PLEKHG3: variants seen among roughly 807,000 people sequenced by gnomAD.
The protein encoded by PLEKHG3 is pleckstrin homology and RhoGEF domain containing G3, also known as pleckstrin homology domain-containing family G member 3.
Under a neutral mutation model 94.9 loss-of-function variants are expected in PLEKHG3, and 62 were observed. The observed-to-expected ratio is 0.65, with a 90% CI of 0.53 to 0.81. PLEKHG3 has a LOEUF of 0.81. Among genes scored for constraint, PLEKHG3 ranks in the 30% least tolerant of loss-of-function variants. The pLI is 0.00. For synonymous variants in PLEKHG3, 614 were observed against 654.0 expected (o/e 0.94, Z 0.93); for missense variants, 1,461 against 1,619.3 (o/e 0.90, Z 1.68).
Position 64,741,527 on chromosome 14 carries a change from C to T in PLEKHG3, c.2010C>T (p.Asp670=). ...SLSCQLSPEV[D]ISVGVATEDS... is the part of the protein sequence containing the mutation. Reference sequence around the variant, plus strand: ...GCTGTCAGCTCTCCCCAGAAGTGGACATCAGTGTGGGGGTGGCCACAGAGG... The same window carrying T: ...GCTGTCAGCTCTCCCCAGAAGTGGATATCAGTGTGGGGGTGGCCACAGAGG... The change falls in exon 16 of 17, where the codon GAC becomes GAT. Residue 670 remains aspartate (D), a synonymous_variant. Coordinates refer to ENST00000247226, the MANE Select transcript of PLEKHG3 (RefSeq NM_001308147.2). 2 of 1,612,904 alleles carry T rather than the reference C, an allele frequency of 1.2e-6. No homozygotes were observed. Among genetic ancestry groups the T allele is most frequent in the Non-Finnish European group, 1.7e-6 (2 of 1,180,016 alleles).
At position 64,732,201 on chromosome 14, in the gene PLEKHG3, G is replaced by A. The variant is rs1362411826; in HGVS notation, c.1212+20G>A. Reference sequence around the variant, plus strand: ...CAGAAGGTGAGTTCCCCCAGCTCCTGACTGTGTGCAAGGAGAATGTGCTCC... The same window carrying A: ...CAGAAGGTGAGTTCCCCCAGCTCCTAACTGTGTGCAAGGAGAATGTGCTCC... On this transcript the variant is annotated intron_variant, in intron 10 of 16. Transcript: ENST00000247226. The surrounding 1 kb of genome is among the most constrained non-coding windows in gnomAD (Gnocchi z 4.9). The A allele has an allele frequency of 1.3e-6, 2 of 1,594,438 alleles. No individual in the cohort carries two copies. The highest frequency in any genetic ancestry group is 2.2e-5 in the South Asian group (2 of 90,694).
chr14:64,734,733 C>T (rs569888668), intron 12 of PLEKHG3, among the ~76,000 whole-genome samples: 1 of 116,300 alleles, frequency 8.6e-6, no homozygotes, highest in East Asian at 2.9e-4. Flanking sequence ...TTCCTTCTTT[C>T]CTTCCTTCCT....
At position 64,732,837 on chromosome 14, in the gene PLEKHG3, G is replaced by A. The variant is rs776316648; in HGVS notation, c.1281G>A (p.Leu427=). 6.2e-7 allele frequency: 1 copy of A among 1,610,896 alleles called. No homozygotes were observed. Among genetic ancestry groups the A allele is most frequent in the Admixed American group, 1.7e-5 (1 of 59,574 alleles). The change falls in exon 12 of 17, where the codon CTG becomes CTA. Residue 427 remains leucine (L), a synonymous_variant. Coordinates refer to ENST00000247226, the MANE Select transcript of PLEKHG3 (RefSeq NM_001308147.2). The surrounding 1 kb of genome is among the most constrained non-coding windows in gnomAD (Gnocchi z 4.9). ...PNRYRCSPER[L]KKAWSSQDEV... ...GGTACCGCTGCAGCCCAGAGCGGCT[G>A]AAGAAGGCTTGGTCCTCCCAGGATG... is the stretch of plus-strand genomic sequence containing the variant.
Position 64,718,986 on chromosome 14 carries a change from A to G in PLEKHG3, c.-39-8607A>G, listed in dbSNP as rs1285095567. ...TAGTACATGCCGTCTCTCCGTGTGG[A>G]TCCCAGAGGAATGCGCCTCTGGGAT... On this transcript the variant is annotated intron_variant, in intron 1 of 16. Coordinates refer to ENST00000247226, the MANE Select transcript of PLEKHG3 (RefSeq NM_001308147.2). This position sits in a 1 kb window ranked among gnomAD's most constrained non-coding sequence, Gnocchi z 5.0. Among the ~76,000 whole-genome samples, 1 of 151,972 alleles carries G rather than the reference A, an allele frequency of 6.6e-6. No homozygotes were observed. The highest frequency in any genetic ancestry group is 1.5e-5 in the Non-Finnish European group (1 of 67,990).
At position 64,738,903 on chromosome 14, in the gene PLEKHG3, C is replaced by G; in HGVS notation, c.1518+48C>G. 6.4e-6 allele frequency: 8 copies of G among 1,251,362 alleles called. No homozygotes were observed. The highest frequency in any genetic ancestry group is 9.2e-6 in the Non-Finnish European group (8 of 873,134). The allele number at this position is 1,251,362 out of a possible 1,614,324, so 77.5% of individuals were successfully genotyped here. A position where few individuals can be genotyped will look rare whatever the true frequency, so the allele number is the denominator to read the frequency against. On this transcript the variant is annotated intron_variant, in intron 15 of 16. Transcript: ENST00000247226. This position sits in a 1 kb window ranked among gnomAD's most constrained non-coding sequence, Gnocchi z 4.8. ...GGGGATAGTAGGAAGAACTTGGAGT[C>G]CAGATTTTCAAGTCTGCAAATAGGG...
chr14:64,736,984 T>G (rs1364639910), intron 13 of PLEKHG3, 93 bp downstream of exon 13: 1 of 936,444 alleles, frequency 1.1e-6, no homozygotes, highest in Non-Finnish European at 1.8e-6. Flanking sequence ...GACCTGAGGG[T>G]GGAGGATTGT....
At position 64,747,451 on chromosome 14, in the gene PLEKHG3, T is replaced by C. The variant is rs2081864604; in HGVS notation, c.*3748T>C. On this transcript the variant is annotated 3_prime_UTR_variant, in exon 17 of 17. Transcript: ENST00000247226. The stretch of plus-strand genomic sequence containing the variant: ...ACTAGGTTCCCTGTATAGGGTCATA[T>C]GTACCAAAGCCAAATGAAGACCTTG... 1 of 152,666 alleles carries C rather than the reference T, an allele frequency of 6.6e-6. No individual in the cohort carries two copies. Among genetic ancestry groups the C allele is most frequent in the African/African-American group, 2.4e-5 (1 of 41,458 alleles). The allele number at this position is 152,666 out of a possible 1,614,324, so 9.5% of individuals were successfully genotyped here.
chr14:64,732,336 G>A lies in PLEKHG3; in HGVS notation c.1213-91G>A. The A allele has an allele frequency of 7.7e-7, 1 of 1,298,178 alleles. No individual in the cohort carries two copies. The highest frequency in any genetic ancestry group is 1.1e-6 in the Non-Finnish European group (1 of 893,016). The allele number at this position is 1,298,178 out of a possible 1,614,324, so 80.4% of individuals were successfully genotyped here. On this transcript the variant is annotated intron_variant, in intron 10 of 16. Transcript: ENST00000247226. The surrounding 1 kb of genome is among the most constrained non-coding windows in gnomAD (Gnocchi z 4.9). ...CCCCGGGCCTTGGTGCAGCACTGTG[G>A]GGTGTCCTCGTACAGCAACAGTGGG... is the stretch of plus-strand genomic sequence containing the variant.
At position 64,741,098 on chromosome 14, in the gene PLEKHG3, T is replaced by C; in HGVS notation, c.1581T>C (p.Ser527=). ...QEVFSAVEGP[S]AEETPSDTES... ...TATTTTCTGCTGTGGAAGGGCCCAG[T>C]GCCGAGGAGACGCCTTCAGACACAG... is the stretch of plus-strand genomic sequence containing the variant. Residue 527 remains serine, a synonymous_variant, in exon 16 of 17, where the codon AGT becomes AGC. Transcript: ENST00000247226. The C allele has an allele frequency of 6.2e-7, 1 of 1,613,594 alleles. No individual in the cohort carries two copies. Among genetic ancestry groups the C allele is most frequent in the Non-Finnish European group, 8.5e-7 (1 of 1,179,648 alleles).
Position 64,741,855 on chromosome 14 carries a change from C to T in PLEKHG3, c.2338C>T (p.Arg780Trp), listed in dbSNP as rs532243151. The T allele has an allele frequency of 1.5e-5, 24 of 1,613,266 alleles. No homozygotes were observed. The highest frequency in any genetic ancestry group is 6.7e-5 in the East Asian group (3 of 44,878). Residue 780 changes from arginine (R) to tryptophan (W), a missense_variant, in exon 16 of 17, where the codon CGG becomes TGG. Arg to Trp is a moderately radical substitution (Grantham distance 101). Around this residue, in one of 3 missense-constraint regions of PLEKHG3, gnomAD observed 1,201 missense variants for 1,295.5 expected, o/e 0.93. Transcript: ENST00000247226. ...GGGGAGCAAGAGACAGGTGGGCTCC[C>T]GGCCGACTTCGTGGGCCCTGTTTGA... The part of the protein sequence containing the change: ...PVGSKRQVGS[R>W]PTSWALFELP...
intron 1 of PLEKHG3, among the ~76,000 whole-genome samples, chr14:64,711,130 C>T (rs935671893): frequency 4.6e-5 from 7 of 152,174 alleles, no homozygotes; most frequent in African/African-American, 1.7e-4. Context: ...CAAGTCCCCA[C>T]GAGTTGGGTA....
intron 1 of PLEKHG3, among the ~76,000 whole-genome samples, chr14:64,712,381 A>G (rs1221471183): frequency 4.6e-5 from 7 of 152,074 alleles, no homozygotes; most frequent in Non-Finnish European, 7.4e-5. Flanking sequence ...CTATATTTTG[A>G]TAGAGATTGT....
chr14:64,749,875 G>A lies in PLEKHG3; in HGVS notation c.*6172G>A. On this transcript the variant is annotated 3_prime_UTR_variant, in exon 17 of 17. Transcript: ENST00000247226. This position sits in a 1 kb window ranked among gnomAD's most constrained non-coding sequence, Gnocchi z 4.7. ...CCTCTTTGATTTGAAAAACCCCTGA[G>A]GAGCAGCTCAGGCCTGGCACTGGTC... The A allele has an allele frequency of 2.6e-6, 4 of 1,541,184 alleles. No homozygotes were observed. The highest frequency in any genetic ancestry group is 3.6e-6 in the Non-Finnish European group (4 of 1,116,070).
At chr14:64,708,797 A>G (rs573530584) in intron 1 of PLEKHG3, among the ~76,000 whole-genome samples, 1 of 152,154 alleles carries the variant, frequency 6.6e-6, no homozygotes, top group African/African-American at 2.4e-5. Context: ...GGAAGTGGTC[A>G]TGGCCAGTTC....
At chr14:64,706,447 AGT>A (rs1455606832) in intron 1 of PLEKHG3, among the ~76,000 whole-genome samples, 11 of 152,214 alleles carry the variant, frequency 7.2e-5, no homozygotes, top group Non-Finnish European at 1.5e-4. Flanking sequence ...ACATAAATAA[AGT>A]GGGATTACTT....
rs188437537 is a variant in PLEKHG3, at chr14:64,741,276, G to T, written c.1759G>T (p.Ala587Ser). Reference sequence around the variant, plus strand: ...GGAGGAAGAAGAAATGGGAGGTGCCGCCCAGGAGCCTGAGAGCCTTCTGCC... The same window carrying T: ...GGAGGAAGAAGAAATGGGAGGTGCCTCCCAGGAGCCTGAGAGCCTTCTGCC... ...SEEEEEMGGA[A>S]QEPESLLPPS... The change falls in exon 16 of 17, where the codon GCC becomes TCC. Residue 587 changes from alanine to serine, a missense_variant. Transcript: ENST00000247226. The T allele has an allele frequency of 5.6e-6, 9 of 1,613,816 alleles. No homozygotes were observed. Among genetic ancestry groups the T allele is most frequent in the Non-Finnish European group, 7.6e-6 (9 of 1,180,006 alleles).
In PLEKHG3 at chr14:64,717,711, C is replaced by T. The variant is rs1393825808; in HGVS notation, c.-39-9882C>T. Among the ~76,000 whole-genome samples, 3 of 152,206 alleles carry T rather than the reference C, an allele frequency of 2.0e-5. No individual in the cohort carries two copies. Among genetic ancestry groups the T allele is most frequent in the African/African-American group, 7.2e-5 (3 of 41,446 alleles). On this transcript the variant is annotated intron_variant, in intron 1 of 16. Transcript: ENST00000247226. This position sits in a 1 kb window ranked among gnomAD's most constrained non-coding sequence, Gnocchi z 4.7. ...GTCTCATTCTTTCTAGCTAATGTTC[C>T]CTCGATCTCTCGCTCCTCCTCGAAG...
Position 64,741,987 on chromosome 14 carries a change from TC to T in PLEKHG3, c.2472del (p.Gly825GlufsTer60). ...GAAGATCTGGGAGGGAATGGAGTCT[TC>T]CGGAGGGAGCCCTGGGAAGGGGCCA... ...IVKIWEGMES[S>X]GGSPGKGPGQ... is the part of the protein sequence containing the mutation. On this transcript the variant is annotated frameshift_variant, in exon 16 of 17. Transcript: ENST00000247226. LOFTEE classifies it high-confidence loss of function. 6.4e-7 allele frequency: 1 copy of T among 1,572,308 alleles called. No homozygotes were observed. The highest frequency in any genetic ancestry group is 8.6e-7 in the Non-Finnish European group (1 of 1,160,660).
rs2081920560 is a variant in PLEKHG3 at position 64,750,038 on chromosome 14, T to C, written c.*6335T>C. The C allele has an allele frequency of 1.2e-6, 2 of 1,614,090 alleles. No homozygotes were observed. Among genetic ancestry groups the C allele is most frequent in the Non-Finnish European group, 1.7e-6 (2 of 1,180,034 alleles). On this transcript the variant is annotated 3_prime_UTR_variant, in exon 17 of 17. Coordinates refer to ENST00000247226, the MANE Select transcript of PLEKHG3 (RefSeq NM_001308147.2). ...GTTGGCAGCAATCTCACAGATGGCA[T>C]GTCTCAGGGCCAGGGGTTCCTCCCC...
Sources: gnomAD v4.1 joint callset for allele counts (sites outside exome capture counted in the v4.1 genomes callset) on GRCh38, gnomAD v4.1.1 for gene constraint, gnomAD v4.1.1 regional missense constraint, Gnocchi (gnomAD v3.1) non-coding constraint, MANE v1.5 for transcripts, NCBI Gene and HGNC (gene_info 2026-07-23, HGNC 2026-07-21) for gene names.